The following BICD1 variants were observed in gnomAD, a reference collection of about 807,000 sequenced individuals.
BICD1 encodes the protein protein bicaudal D homolog 1.
BICD1 carries 35 observed loss-of-function variants against 92.5 expected under a neutral mutation model. The ratio of observed to expected loss-of-function variants is 0.38; its 90% confidence interval spans 0.29 to 0.50. The LOEUF (loss-of-function observed/expected upper bound fraction) is 0.50, where lower values mean the gene tolerates loss of function less well. Among genes scored for constraint, BICD1 ranks in the 20% least tolerant of loss-of-function variants. BICD1 has a pLI of 0.93. For synonymous variants in BICD1, 429 were observed against 465.1 expected (o/e 0.92, Z 1.00); for missense variants, 950 against 1,189.8 (o/e 0.80, Z 2.97).
At chr12:32,150,987 T>G (rs190040373) in intron 1 of BICD1, among the ~76,000 whole-genome samples, 2 of 152,312 alleles carry the variant, frequency 1.3e-5, no homozygotes, top group African/African-American at 4.8e-5. Context: ...TTGATAAATC[T>G]TTGTATTTCA....
intron 2 of BICD1, among the ~76,000 whole-genome samples, chr12:32,285,684 T>A (rs980250155): frequency 2.0e-5 from 3 of 152,158 alleles, no homozygotes; most frequent in Non-Finnish European, 4.4e-5. Flanking sequence ...TAATCCCCTC[T>A]CCCCTGAGGA....
intron 8 of BICD1, among the ~76,000 whole-genome samples, chr12:32,342,371 C>T (rs1938415944): frequency 6.6e-6 from 1 of 151,026 alleles, no homozygotes; most frequent in Non-Finnish European, 1.5e-5. Flanking sequence ...TCTCCTGCCT[C>T]AGCCTCCCGA....
chr12:32,339,295 G>T (rs1670756745), intron 8 of BICD1: 3 of 1,046,464 alleles, frequency 2.9e-6, no homozygotes, highest in Non-Finnish European at 3.4e-6. Context: ...GGTAGCTCAT[G>T]GCGATTCCAT....
At chr12:32,225,902 G>A (rs554523692) in intron 2 of BICD1, among the ~76,000 whole-genome samples, 12 of 152,116 alleles carry the variant, frequency 7.9e-5, no homozygotes, top group East Asian at 5.8e-4. Flanking sequence ...GATTTCAGGC[G>A]TGAGCCACCA....
intron 2 of BICD1, among the ~76,000 whole-genome samples, chr12:32,278,401 A>T (rs1471018950): frequency 1.3e-5 from 2 of 152,238 alleles, no homozygotes; most frequent in Non-Finnish European, 2.9e-5. Context: ...AGAGATAACC[A>T]ATCTACTTTG....
At position 32,216,376 on chromosome 12, in the gene BICD1, G is replaced by A; in HGVS notation, c.343G>A (p.Glu115Lys). The A allele has an allele frequency of 6.2e-7, 1 of 1,614,176 alleles. No individual in the cohort carries two copies. The highest frequency in any genetic ancestry group is 8.5e-7 in the Non-Finnish European group (1 of 1,180,038). ...GGGGAAGATCTTGGAGATGCAGAAC[G>A]AGCTGAAACAGAGCCGGGCTGTGGT... ...YLGKILEMQN[E>K]LKQSRAVVTN... Residue 115 changes from glutamate (E) to lysine (K), a missense_variant, in exon 2 of 10, where the codon GAG becomes AAG. Physicochemically the swap from Glu to Lys is moderately conservative, Grantham distance 56. This residue lies in a region of BICD1 where 202 missense variants were observed against 205.3 expected (regional missense o/e 0.98). Coordinates refer to ENST00000652176, the MANE Select transcript of BICD1 (RefSeq NM_001714.4).
chr12:32,321,735 A>G (rs1394325117), intron 4 of BICD1, among the ~76,000 whole-genome samples: 1 of 152,238 alleles, frequency 6.6e-6, no homozygotes, highest in East Asian at 1.9e-4. Flanking sequence ...CCGGTGGCTC[A>G]CGCCTGTAAT....
At chr12:32,275,893 C>T (rs1346181228) in intron 2 of BICD1, among the ~76,000 whole-genome samples, 1 of 152,116 alleles carries the variant, frequency 6.6e-6, no homozygotes, top group East Asian at 1.9e-4. Flanking sequence ...CTTCTAATAG[C>T]TCATCGCATG....
At chr12:32,331,907 CAG>C (rs1183934139) in intron 5 of BICD1, among the ~76,000 whole-genome samples, 1 of 152,142 alleles carries the variant, frequency 6.6e-6, no homozygotes, top group Non-Finnish European at 1.5e-5. Flanking sequence ...CAAGTATTAA[CAG>C]ATGACATTCA....
chr12:32,123,771 G>A (rs1942235473), intron 1 of BICD1, among the ~76,000 whole-genome samples: 5 of 152,056 alleles, frequency 3.3e-5, no homozygotes. Context: ...CCAGCTACCC[G>A]GGGGCTGAGC....
intron 8 of BICD1, among the ~76,000 whole-genome samples, chr12:32,356,638 A>G (rs1433563246): frequency 2.6e-5 from 4 of 152,294 alleles, no homozygotes; most frequent in Middle Eastern, 3.4e-3. Flanking sequence ...ATCTCAAAAA[A>G]AAAAGAAAGA....
chr12:32,320,462 T>C (rs1357950602), intron 4 of BICD1, among the ~76,000 whole-genome samples: 5 of 152,030 alleles, frequency 3.3e-5, no homozygotes, highest in African/African-American at 1.2e-4. Flanking sequence ...GCCAACATGG[T>C]GAAACCCCAT....
intron 2 of BICD1, among the ~76,000 whole-genome samples, chr12:32,278,282 T>G (rs944608516): frequency 3.9e-5 from 6 of 152,184 alleles, no homozygotes; most frequent in Non-Finnish European, 5.9e-5. Flanking sequence ...TTCATAGTTA[T>G]AAGAAGATAT....
intron 2 of BICD1, among the ~76,000 whole-genome samples, chr12:32,236,896 T>TTC (rs1267934451): frequency 5.6e-4 from 76 of 135,376 alleles, no homozygotes; most frequent in Non-Finnish European, 8.7e-4. Flanking sequence ...TTTTTTTTTT[T>TTC]CAGAGTCTTG....
chr12:32,306,601 TAGAA>T (rs1948232367), intron 4 of BICD1, among the ~76,000 whole-genome samples: 1 of 152,286 alleles, frequency 6.6e-6, no homozygotes. Context: ...TGCAGTATTT[TAGAA>T]AGACATGACA....
At chr12:32,177,482 G>A (rs948889564) in intron 1 of BICD1, among the ~76,000 whole-genome samples, 8 of 149,512 alleles carry the variant, frequency 5.4e-5, no homozygotes, top group African/African-American at 2.0e-4. Context: ...GCCCAGAAAT[G>A]TATATAGTAT....
Position 32,313,404 on chromosome 12 carries a change from A to T in BICD1, c.1005+7282A>T, listed in dbSNP as rs183816300. On this transcript the variant is annotated intron_variant, in intron 4 of 9. Coordinates refer to ENST00000652176, the MANE Select transcript of BICD1 (RefSeq NM_001714.4). This position sits in a 1 kb window ranked among gnomAD's most constrained non-coding sequence, Gnocchi z 4.2. Reference sequence around the variant, plus strand: ...CTTATAACAACTGTATGGGGTAGAGAGTATTATTATCTTCATATTATAGAT... The same window carrying T: ...CTTATAACAACTGTATGGGGTAGAGTGTATTATTATCTTCATATTATAGAT... 3.3e-5 allele frequency among the ~76,000 whole-genome samples: 5 copies of T among 152,262 alleles called. No homozygotes were observed. In the East Asian group the frequency reaches 9.6e-4, roughly 29 times the overall value.
intron 4 of BICD1, among the ~76,000 whole-genome samples, chr12:32,324,566 CTTTTCT>C (rs59612395): frequency 0.094 from 14,027 of 149,938 alleles, 738 homozygotes; most frequent in Middle Eastern, 0.13. Context: ...CTGTACTGTA[CTTTTCT>C]TTTTCTTTTT....
intron 4 of BICD1, among the ~76,000 whole-genome samples, chr12:32,314,251 G>A (rs867626567): frequency 2.2e-4 from 34 of 152,028 alleles, no homozygotes; most frequent in African/African-American, 7.2e-4. Context: ...ACAAGTTTTC[G>A]TGTGCACGTA....
Sources: allele counts gnomAD v4.1 joint callset (sites outside exome capture counted in the v4.1 genomes callset), GRCh38; gene constraint gnomAD v4.1.1; regional missense constraint gnomAD v4.1.1; non-coding constraint Gnocchi (gnomAD v3.1); transcripts MANE v1.5; gene names NCBI Gene and HGNC (gene_info 2026-07-23, HGNC 2026-07-21).